Variants in FAM81B observed in about 807,000 individuals in gnomAD.
FAM81B encodes the protein family with sequence similarity 81 member B.
In FAM81B, 60 loss-of-function variants were observed where a neutral mutation model predicts 58.7. That is an observed-to-expected ratio of 1.02 (90% CI 0.83 to 1.27). FAM81B has a LOEUF of 1.27. FAM81B is among the 50% of genes most tolerant of loss of function. The pLI is 0.00. For synonymous variants in FAM81B, 189 were observed against 179.6 expected, an observed-to-expected ratio of 1.05 and a Z score of -0.42; for missense variants, 491 against 522.0, an observed-to-expected ratio of 0.94 and a Z score of 0.58.
At chr5:95,407,792 A>G (rs1303077712) in intron 3 of FAM81B, among the ~76,000 whole-genome samples, 1 of 152,208 alleles carries the variant, frequency 6.6e-6, no homozygotes, top group Non-Finnish European at 1.5e-5. Context: ...CTTTATGTCC[A>G]AGATCACCAT....
chr5:95,419,126 CA>C (rs1244597854), intron 4 of FAM81B, among the ~76,000 whole-genome samples: 23 of 152,096 alleles, frequency 1.5e-4, no homozygotes, highest in Non-Finnish European at 2.9e-4. Flanking sequence ...TGCATACATG[CA>C]AAAAGATAAA....
intron 3 of FAM81B, among the ~76,000 whole-genome samples, chr5:95,402,600 T>A (rs1478608246): frequency 6.6e-6 from 1 of 152,218 alleles, no homozygotes; most frequent in Admixed American, 6.5e-5. Context: ...TGCATAGCAG[T>A]AGGTGATACC....
chr5:95,397,151 T>C (rs1761985760), intron 3 of FAM81B: 1 of 152,228 alleles, frequency 6.6e-6, no homozygotes, highest in African/African-American at 2.4e-5. Flanking sequence ...CCCTGTCCCT[T>C]GGCCAGTTAA....
chr5:95,433,233 G>A (rs143931722), intron 6 of FAM81B, among the ~76,000 whole-genome samples: 16 of 149,920 alleles, frequency 1.1e-4, no homozygotes, highest in Admixed American at 3.3e-4. Context: ...TGGCTGGGGA[G>A]ACCTCACAGT....
chr5:95,412,949 T>A (rs552830527), intron 3 of FAM81B, among the ~76,000 whole-genome samples: 1 of 152,316 alleles, frequency 6.6e-6, no homozygotes, highest in Non-Finnish European at 1.5e-5. Context: ...TCTTTGACAG[T>A]CAAATCCCAA....
At chr5:95,406,985 T>G (rs1384426455) in intron 3 of FAM81B, among the ~76,000 whole-genome samples, 1 of 152,160 alleles carries the variant, frequency 6.6e-6, no homozygotes, top group African/African-American at 2.4e-5. Context: ...TGAAGCTGAA[T>G]GAGTCCTCTG....
Sources: allele counts gnomAD v4.1 joint callset (sites outside exome capture counted in the v4.1 genomes callset), GRCh38; gene constraint gnomAD v4.1.1; transcripts MANE v1.5; gene names NCBI Gene and HGNC (gene_info 2026-07-23, HGNC 2026-07-21).